ANKEF1: variants seen among roughly 807,000 people sequenced by gnomAD.
ANKEF1 encodes the protein ankyrin repeat and EF-hand domain containing 1.
A neutral mutation model predicts 65.1 loss-of-function variants in ANKEF1; 43 were observed. The observed-to-expected ratio is 0.66, with a 90% confidence interval of 0.52 to 0.85. ANKEF1 has a LOEUF of 0.85. Among genes scored for constraint, ANKEF1 ranks in the 40% least tolerant of loss-of-function variants. The pLI is 0.00. For missense variants in ANKEF1, 934 were observed against 952.9 expected (o/e 0.98, Z 0.26); for synonymous variants, 316 against 341.5 (o/e 0.93, Z 0.82).
chr20:10,036,162 G>C (rs1983840368), intron 2 of ANKEF1, among the ~76,000 whole-genome samples: 1 of 152,204 alleles, frequency 6.6e-6, no homozygotes, highest in African/African-American at 2.4e-5. Flanking sequence ...GCTTTAGCTG[G>C]GAGGGAGGCA....
chr20:10,043,652 CTTTTTTTTTTTTTTT>C, intron 4 of ANKEF1, among the ~76,000 whole-genome samples: 1 of 81,372 alleles, frequency 1.2e-5, no homozygotes. Flanking sequence ...TTTTCTTTTC[CTTTTTTTTTTTTTTT>C]TTTTTTTTGG....
intron 7 of ANKEF1, among the ~76,000 whole-genome samples, chr20:10,050,742 C>T (rs893482066): frequency 6.6e-6 from 1 of 152,154 alleles, no homozygotes; most frequent in Non-Finnish European, 1.5e-5. Flanking sequence ...GGCAGCACGG[C>T]TCAGTCCTGT....
rs576613292 is a variant in ANKEF1 at position 10,045,755 on chromosome 20, T to C, written c.820+58T>C. On this transcript the variant is annotated intron_variant, in intron 6 of 10. Coordinates refer to ENST00000378392, the MANE Select transcript of ANKEF1 (RefSeq NM_022096.6). ...ACTTATGATTTACCCATGTCATAGA[T>C]AAGCAGAGAATTTGGGCCTATCACT... The C allele has an allele frequency of 5.0e-6, 8 of 1,591,798 alleles. No homozygotes were observed. In the South Asian group the frequency reaches 8.9e-5, roughly 18 times the overall value.
chr20:10,038,530 C>T lies in ANKEF1; in HGVS notation c.229C>T (p.Gln77Ter), dbSNP rs751281479. Reference sequence around the variant, plus strand: ...TGACCTTGGTGCTCACCCTGATGTGCAAGACCGAATGGGCTGTACTCCCAC... The same window carrying T: ...TGACCTTGGTGCTCACCCTGATGTGTAAGACCGAATGGGCTGTACTCCCAC... Reference protein sequence around the residue: ...LLDLGAHPDVQDRMGCTPTMR... With the variant: ...LLDLGAHPDV Residue 77 changes from glutamine to a stop codon, truncating the protein, a stop_gained, in exon 3 of 11, where the codon CAA becomes TAA. Coordinates refer to ENST00000378392, the MANE Select transcript of ANKEF1 (RefSeq NM_022096.6). LOFTEE classifies it high-confidence loss of function. 1 of 1,614,098 alleles carries T rather than the reference C, an allele frequency of 6.2e-7. No homozygotes were observed. The highest frequency in any genetic ancestry group is 1.3e-5 in the African/African-American group (1 of 74,932).
rs1381916909 is a variant in ANKEF1, at chr20:10,051,812, C to T, written c.1793C>T (p.Ala598Val). Residue 598 changes from alanine (A) to valine (V), a missense_variant, in exon 8 of 11, where the codon GCC becomes GTC. Coordinates refer to ENST00000378392, the MANE Select transcript of ANKEF1 (RefSeq NM_022096.6). ...AACAACTCAACTCCTTTAAATAGAGCCATTGAAAGCTGCAGACTGGATACA... is the reference window on the plus strand; with the variant it reads ...AACAACTCAACTCCTTTAAATAGAGTCATTGAAAGCTGCAGACTGGATACA... ...SINNSTPLNR[A>V]IESCRLDTVK... 3.7e-6 allele frequency: 6 copies of T among 1,613,528 alleles called. No homozygotes were observed. The highest frequency in any genetic ancestry group is 1.7e-4 in the Middle Eastern group (1 of 6,058).
intron 9 of ANKEF1, 59 bp downstream of exon 9, chr20:10,053,334 G>T: frequency 6.7e-7 from 1 of 1,492,346 alleles, no homozygotes; most frequent in Non-Finnish European, 9.0e-7. Flanking sequence ...TCTGTTTGGG[G>T]GAAGGCAGAA....
intron 5 of ANKEF1, among the ~76,000 whole-genome samples, chr20:10,045,196 C>A (rs1253133737): frequency 6.6e-6 from 1 of 152,156 alleles, no homozygotes; most frequent in Non-Finnish European, 1.5e-5. Flanking sequence ...CCCTTGGATG[C>A]TGTTTTCCAT....
intron 3 of ANKEF1, among the ~76,000 whole-genome samples, chr20:10,042,769 C>G (rs1430612411): frequency 6.6e-6 from 1 of 152,146 alleles, no homozygotes; most frequent in East Asian, 1.9e-4. Flanking sequence ...GGGGACTTAC[C>G]AGTAGCCCTT....
intron 5 of ANKEF1, 104 bp from the exon 6 acceptor site, chr20:10,045,470 G>T (rs1050641739): frequency 1.8e-6 from 2 of 1,119,136 alleles, no homozygotes; most frequent in East Asian, 2.5e-5. Flanking sequence ...ATAGTCATAC[G>T]TGGCTAATTG....
chr20:10,057,384 T>A lies in ANKEF1; in HGVS notation c.*1724T>A, dbSNP rs1985231646. 1 of 152,214 alleles carries A rather than the reference T, an allele frequency of 6.6e-6. No individual in the cohort carries two copies. Among genetic ancestry groups the A allele is most frequent in the African/African-American group, 2.4e-5 (1 of 41,456 alleles). 9.4% of individuals were successfully genotyped at this position (152,214 alleles called of 1,614,324 possible). A position where few individuals can be genotyped will look rare whatever the true frequency, so the allele number is the denominator to read the frequency against. On this transcript the variant is annotated 3_prime_UTR_variant, in exon 11 of 11. Transcript: ENST00000378392. ...TCTGTTTTGTAAGGTTTTGGTTGGT[T>A]TTTTTGTTCTCTCTTTTCTTTTTGT...
chr20:10,046,689 A>C (rs982415141), intron 6 of ANKEF1, among the ~76,000 whole-genome samples: 7 of 152,188 alleles, frequency 4.6e-5, no homozygotes, highest in Non-Finnish European at 8.8e-5. Context: ...ATTTTGCAGA[A>C]CTGTATATAT....
rs1399591719 is a variant in ANKEF1, at chr20:10,035,262, G to C, written c.-180G>C. 1 of 152,368 alleles carries C rather than the reference G, an allele frequency of 6.6e-6. No individual in the cohort carries two copies. Among genetic ancestry groups the C allele is most frequent in the African/African-American group, 2.4e-5 (1 of 41,466 alleles). The allele number at this position is 152,368 out of a possible 1,614,324, so 9.4% of individuals were successfully genotyped here. A position where few individuals can be genotyped will look rare whatever the true frequency, so the allele number is the denominator to read the frequency against. ...AGAGGACGAGAGCAGGGGCCTCCCC[G>C]GTCGCCCCAGCAGGCCCAGGCACAT... On this transcript the variant is annotated 5_prime_UTR_variant, in exon 1 of 11. Transcript: ENST00000378392.
Position 10,048,907 on chromosome 20 carries a change from C to T in ANKEF1, c.821-483C>T, listed in dbSNP as rs142812239. 1.1e-3 allele frequency among the ~76,000 whole-genome samples: 162 copies of T among 152,066 alleles called. 1 individual carries two copies. Among genetic ancestry groups the T allele is most frequent in the African/African-American group, 3.7e-3 (155 of 41,476 alleles). ...AAATTACATTATTTAATGAAGAATA[C>T]GGAAAAAATATACTTAAAATTATAC... On this transcript the variant is annotated intron_variant, in intron 6 of 10. Coordinates refer to ENST00000378392, the MANE Select transcript of ANKEF1 (RefSeq NM_022096.6).
At chr20:10,036,352 C>T (rs1003019527) in intron 2 of ANKEF1, among the ~76,000 whole-genome samples, 1 of 149,902 alleles carries the variant, frequency 6.7e-6, no homozygotes, top group Admixed American at 6.6e-5. Flanking sequence ...AGCATCTTGC[C>T]CTATTCCATA....
chr20:10,049,813 A>C lies in ANKEF1; in HGVS notation c.1244A>C (p.Lys415Thr). 1.9e-6 allele frequency: 3 copies of C among 1,614,174 alleles called. No individual in the cohort carries two copies. Among genetic ancestry groups the C allele is most frequent in the Non-Finnish European group, 1.7e-6 (2 of 1,180,006 alleles). ...SFVLGSYGPKKKEKGMGKKGK... is the reference protein window; with the variant it reads ...SFVLGSYGPKTKEKGMGKKGK... ...GTCTTAGGATCGTATGGACCTAAGAAAAAGGAAAAAGGGATGGGCAAAAAA... is the reference window on the plus strand; with the variant it reads ...GTCTTAGGATCGTATGGACCTAAGACAAAGGAAAAAGGGATGGGCAAAAAA... Residue 415 changes from lysine (K) to threonine (T), a missense_variant, in exon 7 of 11, where the codon AAA (lysine) becomes ACA (threonine). By Grantham distance (78) the Lys-to-Thr change is moderately conservative (BLOSUM62 -1). Transcript: ENST00000378392.
At chr20:10,036,528 C>T (rs756934592) in intron 2 of ANKEF1, among the ~76,000 whole-genome samples, 4 of 152,158 alleles carry the variant, frequency 2.6e-5, no homozygotes, top group Non-Finnish European at 5.9e-5. Context: ...CCTAGTCCAC[C>T]GCATGTTATA....
At position 10,053,274 on chromosome 20, in the gene ANKEF1, A is replaced by T. The variant is rs1022598891; in HGVS notation, c.2033A>T (p.Glu678Val). The part of the protein sequence containing the change: ...KTEGPEIKKE[E>V]ELLSSIYGVP... The stretch of plus-strand genomic sequence containing the variant: ...GAAGGCCCTGAAATTAAGAAAGAAG[A>T]GGTAAGAAAAATGGTTGACTACCCA... Residue 678 changes from glutamate to valine, a missense_variant and splice_region_variant, in exon 9 of 11, where the codon GAG (glutamate) becomes GTG (valine). Coordinates refer to ENST00000378392, the MANE Select transcript of ANKEF1 (RefSeq NM_022096.6). 1 of 1,586,696 alleles carries T rather than the reference A, an allele frequency of 6.3e-7. No homozygotes were observed. The highest frequency in any genetic ancestry group is 1.4e-5 in the African/African-American group (1 of 72,876).
At chr20:10,046,403 T>C (rs2122245371) in intron 6 of ANKEF1, among the ~76,000 whole-genome samples, 1 of 152,352 alleles carries the variant, frequency 6.6e-6, no homozygotes, top group Non-Finnish European at 1.5e-5. Flanking sequence ...AAAGATAACT[T>C]TTCTGGATAA....
chr20:10,046,180 A>G (rs930433803), intron 6 of ANKEF1, among the ~76,000 whole-genome samples: 5 of 152,204 alleles, frequency 3.3e-5, no homozygotes, highest in Non-Finnish European at 7.3e-5. Flanking sequence ...AGGCTAAGGC[A>G]CAAGAATCAC....
Sources: gnomAD v4.1 joint callset for allele counts (sites outside exome capture counted in the v4.1 genomes callset) on GRCh38, gnomAD v4.1.1 for gene constraint, MANE v1.5 for transcripts, NCBI Gene and HGNC (gene_info 2026-07-23, HGNC 2026-07-21) for gene names.